The following SEMA3A variants were observed in gnomAD, a reference collection of about 807,000 sequenced individuals.
SEMA3A encodes semaphorin 3A, also known as semaphorin-3A.
In SEMA3A, 29 loss-of-function variants were observed where a neutral mutation model predicts 97.9. The ratio of observed to expected loss-of-function variants is 0.30; its 90% CI spans 0.22 to 0.40. The LOEUF is 0.40. Among genes scored for constraint, SEMA3A ranks in the 10% least tolerant of loss-of-function variants. The pLI, the probability that SEMA3A is intolerant of heterozygous loss-of-function variation, is 1.00. For missense variants in SEMA3A, 763 were observed against 951.3 expected (o/e 0.80, Z 2.60); for synonymous variants, 321 against 323.7 (o/e 0.99, Z 0.09).
intron 2 of SEMA3A, among the ~76,000 whole-genome samples, chr7:84,350,576 T>C (rs968219175): frequency 4.6e-5 from 7 of 152,186 alleles, no homozygotes; most frequent in Non-Finnish European, 8.8e-5. Context: ...TTTTCTTGTA[T>C]GTGAAGATGT....
intron 2 of SEMA3A, among the ~76,000 whole-genome samples, chr7:84,348,717 G>T (rs867127220): frequency 6.6e-6 from 1 of 152,178 alleles, no homozygotes; most frequent in Non-Finnish European, 1.5e-5. Context: ...AGGTGCAGTG[G>T]CTCACGCCTG....
chr7:84,406,559 A>T (rs1804095909), intron 1 of SEMA3A, among the ~76,000 whole-genome samples: 1 of 152,150 alleles, frequency 6.6e-6, no homozygotes, highest in African/African-American at 2.4e-5. Context: ...TGAGGCCAAC[A>T]TCATCCTGAT....
At chr7:84,399,719 TCA>T (rs1803846920) in intron 1 of SEMA3A, among the ~76,000 whole-genome samples, 1 of 152,208 alleles carries the variant, frequency 6.6e-6, no homozygotes, top group Non-Finnish European at 1.5e-5. Flanking sequence ...TTAGCAGGAC[TCA>T]CCACTAGGTG....
rs758156015 is a variant in SEMA3A at position 84,060,502 on chromosome 7, T to C, written c.510A>G (p.Pro170=). 3 of 1,597,194 alleles carry C rather than the reference T, an allele frequency of 1.9e-6. No individual in the cohort carries two copies. Among genetic ancestry groups the C allele is most frequent in the Non-Finnish European group, 2.6e-6 (3 of 1,173,902 alleles). Residue 170 remains proline (P), a synonymous_variant, in exon 5 of 17, where the codon CCA becomes CCG. Coordinates refer to ENST00000265362, the MANE Select transcript of SEMA3A (RefSeq NM_006080.3). Reference sequence around the variant, plus strand: ...ATGCTGTCAGCAGCTTAGGGTCATATGGACTCTTCCCACGGCCGTTTTCAA... The same window carrying C: ...ATGCTGTCAGCAGCTTAGGGTCATACGGACTCTTCCCACGGCCGTTTTCAA... ...SHFENGRGKS[P]YDPKLLTASL... is the part of the protein sequence containing the mutation.
At chr7:84,268,912 A>G (rs1387152493) in intron 3 of SEMA3A, among the ~76,000 whole-genome samples, 1 of 152,170 alleles carries the variant, frequency 6.6e-6, no homozygotes, top group Non-Finnish European at 1.5e-5. Context: ...TTTGCTTCTC[A>G]TACATGAGCC....
chr7:84,344,890 T>G (rs1426863237), intron 2 of SEMA3A, among the ~76,000 whole-genome samples: 1 of 152,044 alleles, frequency 6.6e-6, no homozygotes, highest in Non-Finnish European at 1.5e-5. Context: ...AGGGAAACAA[T>G]AAGGCAAGGC....
chr7:84,358,143 T>A (rs890456606), intron 2 of SEMA3A, among the ~76,000 whole-genome samples: 6 of 152,228 alleles, frequency 3.9e-5, no homozygotes, highest in African/African-American at 7.2e-5. Context: ...TAGTTTAATT[T>A]GATCCCATTT....
chr7:84,459,180 G>A (rs1805761241), intron 1 of SEMA3A, among the ~76,000 whole-genome samples: 3 of 151,980 alleles, frequency 2.0e-5, no homozygotes, highest in Admixed American at 1.3e-4. Context: ...GAGCCCATGT[G>A]GTATTAGGAA....
chr7:84,192,264 T>G (rs1214422568), intron 1 of SEMA3A, among the ~76,000 whole-genome samples: 1 of 151,956 alleles, frequency 6.6e-6, no homozygotes, highest in Admixed American at 6.6e-5. Context: ...GTACTGGCAA[T>G]TGGCTACCAC....
chr7:84,293,927 A>C (rs1398806445), intron 3 of SEMA3A, among the ~76,000 whole-genome samples: 1 of 152,058 alleles, frequency 6.6e-6, no homozygotes, highest in Admixed American at 6.6e-5. Context: ...TTGTTTAAAA[A>C]ACAGTATTTC....
At chr7:84,427,013 T>C (rs1378297852) in intron 1 of SEMA3A, among the ~76,000 whole-genome samples, 8 of 152,142 alleles carry the variant, frequency 5.3e-5, no homozygotes, top group African/African-American at 1.7e-4. Flanking sequence ...GGGACATGCA[T>C]AATGAACGCA....
At chr7:84,202,861 A>G (rs371583152) in intron 3 of SEMA3A, among the ~76,000 whole-genome samples, 2 of 152,152 alleles carry the variant, frequency 1.3e-5, no homozygotes, top group East Asian at 3.9e-4. Flanking sequence ...GCCCCAAGTT[A>G]TATAAACCAT....
intron 1 of SEMA3A, among the ~76,000 whole-genome samples, chr7:84,140,657 A>G (rs1796268779): frequency 6.6e-6 from 1 of 152,146 alleles, no homozygotes; most frequent in African/African-American, 2.4e-5. Flanking sequence ...CTAAATGATG[A>G]CCACATCTAG....
At chr7:84,482,315 G>T (rs1806468076) in intron 1 of SEMA3A, among the ~76,000 whole-genome samples, 1 of 152,080 alleles carries the variant, frequency 6.6e-6, no homozygotes, top group Admixed American at 6.6e-5. Flanking sequence ...AAATGCGTAT[G>T]TATTTTATAA....
At chr7:84,210,351 G>A (rs886254967) in intron 3 of SEMA3A, among the ~76,000 whole-genome samples, 6 of 152,056 alleles carry the variant, frequency 3.9e-5, no homozygotes, top group Non-Finnish European at 8.8e-5. Context: ...GTCTGACTTG[G>A]GTCTTAAATG....
rs188778269 is a variant in SEMA3A at position 84,292,853 on chromosome 7, T to G, written c.-83+14354A>C. Among the ~76,000 whole-genome samples, 418 of 152,236 alleles carry G rather than the reference T, an allele frequency of 2.7e-3. 2 individuals are homozygous for G. The highest frequency in any genetic ancestry group is 9.8e-3 in the African/African-American group (406 of 41,570). The stretch of plus-strand genomic sequence containing the variant: ...TTAAATCAATATTTTAACATATATT[T>G]TATAGGTTATTTATGTTGTGAAAAA... On this transcript the variant is annotated intron_variant, in intron 3 of 3. Coordinates refer to the SEMA3A transcript ENST00000424555.
chr7:84,399,067 C>G (rs1406013938), intron 1 of SEMA3A, among the ~76,000 whole-genome samples: 1 of 152,208 alleles, frequency 6.6e-6, no homozygotes, highest in South Asian at 2.1e-4. Context: ...ACAGCCTATA[C>G]CACACCTCCT....
chr7:83,961,910 A>C, intron 16 of SEMA3A, 84 bp from the exon 17 acceptor site: 1 of 1,058,550 alleles, frequency 9.4e-7, no homozygotes, highest in South Asian at 1.5e-5. Context: ...GTAAAACTTT[A>C]GATTATGTGT....
At chr7:84,006,240 A>AATT (rs1215845728) in intron 10 of SEMA3A, among the ~76,000 whole-genome samples, 1 of 152,122 alleles carries the variant, frequency 6.6e-6, no homozygotes, top group Non-Finnish European at 1.5e-5. Flanking sequence ...GAATACATTT[A>AATT]ATTTTTTACT....
Sources: gnomAD v4.1 joint callset for allele counts (sites outside exome capture counted in the v4.1 genomes callset) on GRCh38, gnomAD v4.1.1 for gene constraint, MANE v1.5 for transcripts, NCBI Gene and HGNC (gene_info 2026-07-23, HGNC 2026-07-21) for gene names.